Variants in MEIS1 observed in about 807,000 individuals in gnomAD.
The protein encoded by MEIS1 is Meis homeobox 1, also known as homeobox protein Meis1.
MEIS1 carries 5 observed loss-of-function variants against 50.8 expected under a neutral mutation model. The observed-to-expected ratio is 0.10, with a 90% CI of 0.05 to 0.21. MEIS1 has a LOEUF of 0.21. MEIS1 is among the 10% of genes least tolerant of loss of function. The pLI is 1.00. For missense variants in MEIS1, 318 were observed against 517.3 expected, an observed-to-expected ratio of 0.61 and a Z score of 3.74; for synonymous variants, 176 against 179.3, an observed-to-expected ratio of 0.98 and a Z score of 0.15.
At chr2:66,485,142 A>G (rs1479482382) in intron 7 of MEIS1, among the ~76,000 whole-genome samples, 2 of 152,138 alleles carry the variant, frequency 1.3e-5, no homozygotes, top group Admixed American at 6.5e-5. Flanking sequence ...ATACATGTGC[A>G]GAACCTGCGG....
chr2:66,483,354 G>A (rs1373409035), intron 7 of MEIS1, among the ~76,000 whole-genome samples: 3 of 151,930 alleles, frequency 2.0e-5, no homozygotes, highest in Admixed American at 6.6e-5. Flanking sequence ...GATTACAGGC[G>A]TGAGCCACCG....
At chr2:66,493,684 C>T (rs1371456573) in intron 7 of MEIS1, among the ~76,000 whole-genome samples, 1 of 152,124 alleles carries the variant, frequency 6.6e-6, no homozygotes, top group Non-Finnish European at 1.5e-5. Context: ...TGAGCAGGAA[C>T]AAAATGTTCC....
chr2:66,476,305 A>G (rs1672890506), intron 7 of MEIS1, among the ~76,000 whole-genome samples: 2 of 152,206 alleles, frequency 1.3e-5, no homozygotes, highest in South Asian at 2.1e-4. Flanking sequence ...CCTGGCACCA[A>G]AAACATCCCC....
chr2:66,569,203 A>G, intron 12 of MEIS1, 58 bp downstream of exon 12: 2 of 1,428,416 alleles, frequency 1.4e-6, no homozygotes, highest in Admixed American at 1.9e-5. Context: ...TTCCTCTTGC[A>G]TTTTCTTATG....
chr2:66,547,809 G>T, intron 8 of MEIS1, 134 bp from the exon 9 acceptor site: 1 of 748,214 alleles, frequency 1.3e-6, no homozygotes, highest in African/African-American at 1.8e-5. Flanking sequence ...ATTAGATGAT[G>T]TAGTATTCCA....
chr2:66,457,427 GC>G (rs1203078189), intron 6 of MEIS1, among the ~76,000 whole-genome samples: 5 of 152,044 alleles, frequency 3.3e-5, no homozygotes, highest in Non-Finnish European at 5.9e-5. Context: ...GACATAAAAA[GC>G]CTTCTCAGCA....
chr2:66,563,047 C>T (rs998685933), intron 9 of MEIS1, among the ~76,000 whole-genome samples: 1 of 152,146 alleles, frequency 6.6e-6, no homozygotes. Context: ...GTGTAACTAT[C>T]TATTTTAATG....
At chr2:66,523,712 G>T (rs190785692) in intron 8 of MEIS1, among the ~76,000 whole-genome samples, 1 of 152,308 alleles carries the variant, frequency 6.6e-6, no homozygotes, top group Non-Finnish European at 1.5e-5. Context: ...TTATAATTCA[G>T]TTAATCTCCA....
intron 7 of MEIS1, among the ~76,000 whole-genome samples, chr2:66,503,510 T>C (rs960701504): frequency 1.3e-5 from 2 of 152,196 alleles, no homozygotes; most frequent in Non-Finnish European, 1.5e-5. Context: ...TGTACTTTTT[T>C]CCAATTAAGA....
intron 6 of MEIS1, among the ~76,000 whole-genome samples, chr2:66,452,177 C>T (rs569197035): frequency 2.0e-5 from 3 of 151,954 alleles, no homozygotes; most frequent in African/African-American, 7.2e-5. Flanking sequence ...GTTTTATAAT[C>T]CACGCTTGAG....
At chr2:66,441,388 T>G (rs1436999507) in intron 4 of MEIS1, 26 bp from the exon 5 acceptor site, 1 of 1,534,630 alleles carries the variant, frequency 6.5e-7, no homozygotes, top group Non-Finnish European at 8.8e-7. Flanking sequence ...AGGAATGGGG[T>G]GCTTATTGTT....
intron 6 of MEIS1, among the ~76,000 whole-genome samples, chr2:66,447,794 A>G (rs986325896): frequency 1.3e-5 from 2 of 152,182 alleles, no homozygotes; most frequent in African/African-American, 2.4e-5. Context: ...CGCTAATACT[A>G]CAAAAAATCC....
chr2:66,440,241 G>A, intron 3 of MEIS1: 1 of 591,136 alleles, frequency 1.7e-6, no homozygotes, highest in Non-Finnish European at 3.0e-6. Context: ...GAAAGCAAAC[G>A]TGGAGAGCTC....
chr2:66,499,897 TG>T (rs1673506708), intron 7 of MEIS1, among the ~76,000 whole-genome samples: 1 of 152,162 alleles, frequency 6.6e-6, no homozygotes, highest in Admixed American at 6.5e-5. Context: ...TTAAAGTCAG[TG>T]GACATATGAG....
chr2:66,460,795 C>T (rs1004685839), intron 6 of MEIS1, among the ~76,000 whole-genome samples: 5 of 152,076 alleles, frequency 3.3e-5, no homozygotes, highest in African/African-American at 4.8e-5. Context: ...GCCCTGTGAA[C>T]ATCTCCTAGA....
intron 9 of MEIS1, 117 bp from the exon 10 acceptor site, chr2:66,567,336 G>A: frequency 9.9e-7 from 1 of 1,013,932 alleles, no homozygotes; most frequent in Non-Finnish European, 1.5e-6. Context: ...GAGAACTGAA[G>A]GAGTCCCATT....
chr2:66,551,841 T>C (rs1239815458), intron 9 of MEIS1, among the ~76,000 whole-genome samples: 1 of 152,074 alleles, frequency 6.6e-6, no homozygotes, highest in Non-Finnish European at 1.5e-5. Context: ...TGATAAATAA[T>C]AGCATCAGGG....
chr2:66,467,706 C>T (rs750429735), intron 7 of MEIS1, among the ~76,000 whole-genome samples: 1 of 152,116 alleles, frequency 6.6e-6, no homozygotes, highest in African/African-American at 2.4e-5. Context: ...AATGTTTATT[C>T]GCGATTTACA....
chr2:66,465,158 T>C (rs1672604316), intron 7 of MEIS1, among the ~76,000 whole-genome samples: 1 of 152,160 alleles, frequency 6.6e-6, no homozygotes, highest in South Asian at 2.1e-4. Flanking sequence ...CCAATTAAAA[T>C]TGCAAAGTCT....
Sources: gnomAD v4.1 joint callset for allele counts (sites outside exome capture counted in the v4.1 genomes callset) on GRCh38, gnomAD v4.1.1 for gene constraint, MANE v1.5 for transcripts, NCBI Gene and HGNC (gene_info 2026-07-23, HGNC 2026-07-21) for gene names.